Variants in ASXL2 observed in about 807,000 individuals in gnomAD.
The protein encoded by ASXL2 is putative Polycomb group protein ASXL2.
ASXL2 carries 23 observed loss-of-function variants against 122.0 expected under a neutral mutation model. The ratio of observed to expected loss-of-function variants is 0.19; its 90% CI spans 0.14 to 0.27. ASXL2 has a LOEUF of 0.27. ASXL2 is among the 10% of genes least tolerant of loss of function. ASXL2 has a pLI of 1.00. For missense variants in ASXL2, 1,518 were observed against 1,713.8 expected (o/e 0.89, Z 2.02); for synonymous variants, 650 against 637.0 (o/e 1.02, Z -0.31).
rs1396040204 is a variant in ASXL2, at chr2:25,738,416, C to G, written c.*3613G>C. 2 of 152,176 alleles carry G rather than the reference C, an allele frequency of 1.3e-5. No homozygotes were observed. Among genetic ancestry groups the G allele is most frequent in the Non-Finnish European group, 2.9e-5 (2 of 68,038 alleles). 9.4% of individuals were successfully genotyped at this position (152,176 alleles called of 1,614,324 possible). On this transcript the variant is annotated 3_prime_UTR_variant, in exon 13 of 13. Transcript: ENST00000435504. ...TTTCTCAAAGTCTCTTTGGACTATT[C>G]TATAAATTGAGCTGAAAACTACCCT...
At chr2:25,877,935 G>A (rs1441641181) in intron 1 of ASXL2, among the ~76,000 whole-genome samples, 1 of 152,188 alleles carries the variant, frequency 6.6e-6, no homozygotes, top group African/African-American at 2.4e-5. Flanking sequence ...AAAACACTGA[G>A]AGGACTCGCC....
chr2:25,878,378 G>A lies in ASXL2; in HGVS notation c.-156C>T. On this transcript the variant is annotated 5_prime_UTR_variant, in exon 1 of 13. Transcript: ENST00000435504. ...CACCCAAGCAGAGGAAGCGGCGGGGGTGGTGCGCGGGGGGGTCTATGGGGC... is the reference window on the plus strand; with the variant it reads ...CACCCAAGCAGAGGAAGCGGCGGGGATGGTGCGCGGGGGGGTCTATGGGGC... 3 of 671,848 alleles carry A rather than the reference G, an allele frequency of 4.5e-6. No individual in the cohort carries two copies. Among genetic ancestry groups the A allele is most frequent in the Non-Finnish European group, 7.5e-6 (3 of 401,176 alleles). The allele number at this position is 671,848 out of a possible 1,614,324, so 41.6% of individuals were successfully genotyped here.
At chr2:25,779,084 ATTTTTTTTTT>A (rs33911748) in intron 5 of ASXL2, among the ~76,000 whole-genome samples, 1 of 99,412 alleles carries the variant, frequency 1.0e-5, no homozygotes, top group Non-Finnish European at 2.0e-5. Context: ...CTTTTTTCTG[ATTTTTTTTTT>A]TTTTTTTTTT....
In ASXL2 at chr2:25,803,133, A is replaced by AAATGAATGAATG. The variant is rs70950123; in HGVS notation, c.252+3084_252+3095dup. On this transcript the variant is annotated intron_variant, in intron 4 of 12. Coordinates refer to ENST00000435504, the MANE Select transcript of ASXL2 (RefSeq NM_018263.6). The stretch of plus-strand genomic sequence containing the variant: ...GGCGACAGAGCGAGACTCCATCTCA[A>AAATGAATGAATG]AATGAATGAATGAATGAATGAATGA... Among the ~76,000 whole-genome samples the AAATGAATGAATG allele has an allele frequency of 4.1e-3, 611 of 148,736 alleles. 3 individuals carry two copies. The highest frequency in any genetic ancestry group is 6.0e-3 in the Non-Finnish European group (406 of 67,150).
At chr2:25,768,641 T>C in intron 7 of ASXL2, 101 bp downstream of exon 7, 21 of 1,312,414 alleles carry the variant, frequency 1.6e-5, no homozygotes, top group Non-Finnish European at 2.1e-5. Context: ...TGTAAGTAAA[T>C]ATAATTTAAA....
chr2:25,809,025 C>T (rs1245198408), intron 3 of ASXL2, among the ~76,000 whole-genome samples: 6 of 152,204 alleles, frequency 3.9e-5, no homozygotes, highest in African/African-American at 1.4e-4. Context: ...AAGTTTTGTA[C>T]ATAAGCTATT....
intron 2 of ASXL2, 110 bp from the exon 3 acceptor site, chr2:25,835,650 G>A: frequency 5.1e-6 from 1 of 197,266 alleles, no homozygotes; most frequent in East Asian, 1.4e-4. Context: ...TCCCATCCCA[G>A]CAATATCCAC....
intron 1 of ASXL2, among the ~76,000 whole-genome samples, chr2:25,865,218 G>A (rs962866486): frequency 1.4e-5 from 2 of 146,984 alleles, no homozygotes; most frequent in South Asian, 4.7e-4. Flanking sequence ...CTCACTTGAG[G>A]CCAGGAGTTT....
intron 5 of ASXL2, among the ~76,000 whole-genome samples, chr2:25,780,953 G>A (rs963479952): frequency 2.0e-5 from 3 of 151,326 alleles, no homozygotes; most frequent in African/African-American, 4.9e-5. Context: ...AGGTGGTGGC[G>A]GACGCCTGTA....
chr2:25,740,756 G>C lies in ASXL2; in HGVS notation c.*1273C>G, dbSNP rs1574387696. 4.9e-6 allele frequency: 1 copy of C among 204,012 alleles called. No individual in the cohort carries two copies. Among genetic ancestry groups the C allele is most frequent in the South Asian group, 1.9e-4 (1 of 5,274 alleles). 12.6% of individuals were successfully genotyped at this position (204,012 alleles called of 1,614,324 possible). A position where few individuals can be genotyped will look rare whatever the true frequency, so the allele number is the denominator to read the frequency against. Reference sequence around the variant, plus strand: ...CCTCTTTCCATTAGAAATTTCTAGTGCTCAGACAGCAGTAATCCAAACAAG... The same window carrying C: ...CCTCTTTCCATTAGAAATTTCTAGTCCTCAGACAGCAGTAATCCAAACAAG... On this transcript the variant is annotated 3_prime_UTR_variant, in exon 13 of 13. Transcript: ENST00000435504.
At chr2:25,797,317 C>T (rs367934169) in intron 5 of ASXL2, among the ~76,000 whole-genome samples, 3 of 152,004 alleles carry the variant, frequency 2.0e-5, no homozygotes, top group African/African-American at 2.4e-5. Flanking sequence ...TGGTGGCGGG[C>T]GCCTGTAATC....
At chr2:25,818,489 C>T (rs779084579) in intron 3 of ASXL2, among the ~76,000 whole-genome samples, 29 of 152,056 alleles carry the variant, frequency 1.9e-4, no homozygotes, top group East Asian at 1.9e-4. Context: ...CCAGCCTGGG[C>T]GACTGAGTGA....
At chr2:25,766,233 G>C (rs1020094759) in intron 8 of ASXL2, among the ~76,000 whole-genome samples, 1 of 151,086 alleles carries the variant, frequency 6.6e-6, no homozygotes, top group South Asian at 2.1e-4. Context: ...CATATGTTTC[G>C]AGATCTTTAA....
At chr2:25,816,979 T>C (rs1030667295) in intron 3 of ASXL2, among the ~76,000 whole-genome samples, 7 of 152,046 alleles carry the variant, frequency 4.6e-5, no homozygotes, top group African/African-American at 1.7e-4. Flanking sequence ...GCAAAAATTA[T>C]CCAAGCATGG....
intron 10 of ASXL2, among the ~76,000 whole-genome samples, chr2:25,755,536 A>C (rs2088116490): frequency 6.6e-6 from 1 of 152,182 alleles, no homozygotes; most frequent in Admixed American, 6.5e-5. Flanking sequence ...TATTATATGA[A>C]ATATACCTTA....
At chr2:25,865,538 T>C (rs1027633050) in intron 1 of ASXL2, among the ~76,000 whole-genome samples, 4 of 150,766 alleles carry the variant, frequency 2.7e-5, no homozygotes, top group Admixed American at 6.6e-5. Flanking sequence ...GAGGCCAAGG[T>C]AGGCGGATAA....
At chr2:25,785,221 ATTTG>A (rs767801657) in intron 5 of ASXL2, among the ~76,000 whole-genome samples, 8 of 152,016 alleles carry the variant, frequency 5.3e-5, no homozygotes, top group Admixed American at 3.9e-4. Context: ...TTATTTATTT[ATTTG>A]TTTGTTTGTT....
chr2:25,754,862 T>C (rs2088107229), intron 10 of ASXL2, among the ~76,000 whole-genome samples: 1 of 151,626 alleles, frequency 6.6e-6, no homozygotes, highest in South Asian at 2.1e-4. Context: ...CCCAAAAATA[T>C]CTGTAGGAAA....
intron 3 of ASXL2, chr2:25,810,537 G>A (rs564092344): frequency 6.2e-5 from 45 of 730,120 alleles, no homozygotes; most frequent in African/African-American, 2.9e-4. Flanking sequence ...GTTCCCAGGC[G>A]CGCCTTTCTC....
Sources: gnomAD v4.1 joint callset for allele counts (sites outside exome capture counted in the v4.1 genomes callset) on GRCh38, gnomAD v4.1.1 for gene constraint, MANE v1.5 for transcripts, NCBI Gene and HGNC (gene_info 2026-07-23, HGNC 2026-07-21) for gene names.